The following GPC6 variants were observed in gnomAD, a reference collection of about 807,000 sequenced individuals.
The protein encoded by GPC6 is glypican 6, also known as glypican-6.
In GPC6, 14 loss-of-function variants were observed where a neutral mutation model predicts 55.2. That is an observed-to-expected ratio of 0.25 (90% CI 0.17 to 0.40). GPC6 has a LOEUF of 0.40. GPC6 is among the 10% of genes least tolerant of loss of function. GPC6 has a pLI of 1.00. For missense variants in GPC6, 641 were observed against 708.5 expected, an observed-to-expected ratio of 0.90 and a Z score of 1.08; for synonymous variants, 278 against 259.6, an observed-to-expected ratio of 1.07 and a Z score of -0.68.
At chr13:93,740,146 G>A (rs9516280) in intron 2 of GPC6, among the ~76,000 whole-genome samples, 66,479 of 151,938 alleles carry the variant, frequency 0.44, 15,788 homozygotes, top group East Asian at 0.75. Flanking sequence ...AAACACCTTT[G>A]AAATTACAAA....
chr13:94,358,936 T>C (rs1459193148), intron 6 of GPC6, among the ~76,000 whole-genome samples: 1 of 152,230 alleles, frequency 6.6e-6, no homozygotes, highest in Non-Finnish European at 1.5e-5. Flanking sequence ...TCTAAGTGTC[T>C]CTTCTTGTTG....
chr13:93,853,730 G>T lies in GPC6; in HGVS notation c.711+23185G>T, dbSNP rs1888500371. Among the ~76,000 whole-genome samples, 3 of 151,586 alleles carry T rather than the reference G, an allele frequency of 2.0e-5. No homozygotes were observed. In the South Asian group the frequency reaches 6.2e-4, roughly 31 times the overall value. On this transcript the variant is annotated intron_variant, in intron 3 of 8. Coordinates refer to ENST00000377047, the MANE Select transcript of GPC6 (RefSeq NM_005708.5). Reference sequence around the variant, plus strand: ...ATTCAAACTGCCTTCCCCAGATAATGATACACGTTAATGTGTTTTCTGAAT... The same window carrying T: ...ATTCAAACTGCCTTCCCCAGATAATTATACACGTTAATGTGTTTTCTGAAT...
intron 1 of GPC6, among the ~76,000 whole-genome samples, chr13:93,491,563 G>A (rs1424803661): frequency 1.4e-5 from 2 of 139,270 alleles, no homozygotes; most frequent in African/African-American, 2.7e-5. Flanking sequence ...TGTTGCCATT[G>A]CTTTTGGTGT....
At chr13:93,697,746 A>T (rs978368713) in intron 2 of GPC6, among the ~76,000 whole-genome samples, 1 of 152,172 alleles carries the variant, frequency 6.6e-6, no homozygotes, top group Non-Finnish European at 1.5e-5. Context: ...GTGTGATTAG[A>T]TCATACGTTG....
At chr13:94,195,766 A>C (rs1889553911) in intron 4 of GPC6, among the ~76,000 whole-genome samples, 1 of 152,250 alleles carries the variant, frequency 6.6e-6, no homozygotes. Context: ...CTCAGAAGTC[A>C]ATTCAGACAT....
intron 4 of GPC6, among the ~76,000 whole-genome samples, chr13:94,121,224 T>C (rs952866716): frequency 2.0e-5 from 3 of 152,078 alleles, no homozygotes; most frequent in Admixed American, 2.0e-4. Flanking sequence ...ACCACTTTCT[T>C]CCATTGTAAT....
chr13:93,698,909 C>G (rs540695273), intron 2 of GPC6, among the ~76,000 whole-genome samples: 1 of 151,848 alleles, frequency 6.6e-6, no homozygotes, highest in Non-Finnish European at 1.5e-5. Context: ...ACTCACATAT[C>G]GGAAAATTTG....
intron 2 of GPC6, among the ~76,000 whole-genome samples, chr13:93,740,714 T>A (rs899117293): frequency 6.6e-6 from 1 of 152,186 alleles, no homozygotes; most frequent in African/African-American, 2.4e-5. Flanking sequence ...CAAGATACAT[T>A]AGATGAATTT....
chr13:93,816,520 T>C (rs1886853661), intron 2 of GPC6, among the ~76,000 whole-genome samples: 1 of 151,852 alleles, frequency 6.6e-6, no homozygotes, highest in South Asian at 2.1e-4. Flanking sequence ...TCTGCCCTCT[T>C]TATGCTTTTT....
At chr13:93,582,175 G>T (rs986527592) in intron 2 of GPC6, among the ~76,000 whole-genome samples, 1 of 152,162 alleles carries the variant, frequency 6.6e-6, no homozygotes, top group Non-Finnish European at 1.5e-5. Flanking sequence ...CAATATAAGT[G>T]AAAATCTTTT....
At chr13:93,610,984 A>G (rs1013938422) in intron 2 of GPC6, among the ~76,000 whole-genome samples, 1 of 152,144 alleles carries the variant, frequency 6.6e-6, no homozygotes, top group East Asian at 1.9e-4. Context: ...AATTAACACT[A>G]CACAACTATT....
intron 1 of GPC6, among the ~76,000 whole-genome samples, chr13:93,541,261 T>G (rs1309625373): frequency 6.8e-6 from 1 of 146,480 alleles, no homozygotes; most frequent in African/African-American, 2.5e-5. Context: ...CACCTATGAG[T>G]GAGAATATGC....
chr13:94,195,859 T>C (rs1479295399), intron 4 of GPC6, among the ~76,000 whole-genome samples: 1 of 152,174 alleles, frequency 6.6e-6, no homozygotes, highest in African/African-American at 2.4e-5. Flanking sequence ...TGACTAAGGT[T>C]CAGCTTTGGA....
At chr13:94,217,295 T>C (rs1441143678) in intron 4 of GPC6, among the ~76,000 whole-genome samples, 1 of 152,206 alleles carries the variant, frequency 6.6e-6, no homozygotes, top group African/African-American at 2.4e-5. Flanking sequence ...CATGAGCATA[T>C]TGTTATGTTC....
At chr13:93,960,809 T>TTTC (rs60745600) in intron 3 of GPC6, among the ~76,000 whole-genome samples, 29,133 of 147,138 alleles carry the variant, frequency 0.2, 3,308 homozygotes, top group East Asian at 0.38. Context: ...GAATTTTTTT[T>TTTC]TTTTTCTTTT....
At chr13:94,262,668 G>T (rs988702263) in intron 4 of GPC6, among the ~76,000 whole-genome samples, 1 of 129,008 alleles carries the variant, frequency 7.8e-6, no homozygotes. Flanking sequence ...GTGAGACTCC[G>T]TCTCAGAAAA....
chr13:94,042,166 C>T (rs1374264322), intron 4 of GPC6, among the ~76,000 whole-genome samples: 3 of 151,566 alleles, frequency 2.0e-5, no homozygotes, highest in Non-Finnish European at 3.0e-5. Flanking sequence ...CTCCCCCTTC[C>T]CTCTCTTCCT....
At chr13:93,860,809 C>G (rs1481185248) in intron 3 of GPC6, among the ~76,000 whole-genome samples, 2 of 151,656 alleles carry the variant, frequency 1.3e-5, no homozygotes, top group Non-Finnish European at 3.0e-5. Context: ...AATTCTATTG[C>G]ACAAAATAAC....
intron 1 of GPC6, chr13:93,395,040 T>C (rs1875791779): frequency 3.9e-6 from 1 of 254,596 alleles, no homozygotes; most frequent in Non-Finnish European, 7.9e-6. Flanking sequence ...CCTCCCTTCA[T>C]GGGTCCAAAA....
Sources: gnomAD v4.1 joint callset for allele counts (sites outside exome capture counted in the v4.1 genomes callset) on GRCh38, gnomAD v4.1.1 for gene constraint, MANE v1.5 for transcripts, NCBI Gene and HGNC (gene_info 2026-07-23, HGNC 2026-07-21) for gene names.